ACTR6: variants seen among roughly 807,000 people sequenced by gnomAD.
The protein encoded by ACTR6 is actin related protein 6.
Under a neutral mutation model 52.5 loss-of-function variants are expected in ACTR6, and 50 were observed. The ratio of observed to expected loss-of-function variants is 0.95; its 90% confidence interval spans 0.76 to 1.20. ACTR6 has a LOEUF of 1.20. Among genes scored for constraint, ACTR6 ranks in the 50% most tolerant of loss-of-function variants. The pLI, the probability that ACTR6 is intolerant of heterozygous loss-of-function variation, is 0.00. For synonymous variants in ACTR6, 135 were observed against 147.2 expected (o/e 0.92, Z 0.60); for missense variants, 344 against 472.4 (o/e 0.73, Z 2.52).
intron 8 of ACTR6, among the ~76,000 whole-genome samples, chr12:100,213,783 G>A (rs902827322): frequency 6.6e-6 from 1 of 152,184 alleles, no homozygotes; most frequent in African/African-American, 2.4e-5. Context: ...TATCAGCTCA[G>A]ATAAAATTAC....
At chr12:100,212,169 AAATTT>A in intron 6 of ACTR6, 82 bp from the exon 7 acceptor site, 1 of 962,572 alleles carries the variant, frequency 1.0e-6, no homozygotes, top group Admixed American at 2.6e-5. Context: ...AGTTACCTGA[AAATTT>A]AATTCCAGAA....
At chr12:100,217,299 A>G (rs535399849) in intron 8 of ACTR6, among the ~76,000 whole-genome samples, 1 of 152,304 alleles carries the variant, frequency 6.6e-6, no homozygotes, top group East Asian at 1.9e-4. Flanking sequence ...GCTATGAAGG[A>G]TAATATAGGG....
At chr12:100,209,823 A>G (rs764902081) in intron 4 of ACTR6, among the ~76,000 whole-genome samples, 25 of 152,218 alleles carry the variant, frequency 1.6e-4, no homozygotes, top group Non-Finnish European at 2.9e-4. Context: ...AATTCTTTTA[A>G]ACTATGGAGT....
chr12:100,201,828 G>C (rs963271755), intron 1 of ACTR6, among the ~76,000 whole-genome samples: 8 of 152,094 alleles, frequency 5.3e-5, no homozygotes, highest in African/African-American at 1.9e-4. Flanking sequence ...TCATCATGTT[G>C]GCCAGGCCGG....
intron 10 of ACTR6, among the ~76,000 whole-genome samples, chr12:100,220,796 AC>A (rs1295835004): frequency 2.6e-5 from 4 of 152,070 alleles, no homozygotes; most frequent in Non-Finnish European, 5.9e-5. Flanking sequence ...GGAGATTGAG[AC>A]CAGCCTGGGC....
At chr12:100,203,766 TCAGC>T (rs1442886357) in intron 1 of ACTR6, 2 of 149,696 alleles carry the variant, frequency 1.3e-5, no homozygotes, top group African/African-American at 4.9e-5. Context: ...TTCTCCTGCC[TCAGC>T]CTTCCAAGTA....
At position 100,205,412 on chromosome 12, in the gene ACTR6, T is replaced by C. The variant is rs150399997; in HGVS notation, c.187-264T>C. The C allele has an allele frequency of 1.5e-3, 451 of 293,528 alleles. 1 individual carries two copies. The highest frequency in any genetic ancestry group is 9.1e-3 in the African/African-American group (420 of 45,956). The allele number at this position is 293,528 out of a possible 1,614,324, so 18.2% of individuals were successfully genotyped here. ...AAGGAGAAAAACATACTAACATAAT[T>C]GGTTTGAAATTCATACAGCAGTATA... On this transcript the variant is annotated intron_variant, in intron 2 of 10. Transcript: ENST00000188312.
At position 100,223,792 on chromosome 12, in the gene ACTR6, T is replaced by C. The variant is rs2096130149; in HGVS notation, c.1068T>C (p.Ile356=). The C allele has an allele frequency of 6.2e-7, 1 of 1,606,430 alleles. No individual in the cohort carries two copies. Among genetic ancestry groups the C allele is most frequent in the Admixed American group, 1.7e-5 (1 of 57,934 alleles). Residue 356 remains isoleucine, a synonymous_variant, in exon 11 of 11, where the codon ATT becomes ATC. Coordinates refer to ENST00000188312, the MANE Select transcript of ACTR6 (RefSeq NM_022496.5). ...DVSVVLPENP[I]TYAWEGGKLI... is the part of the protein sequence containing the mutation. ...TTTATACCTTTATTTTCAGCCCTAT[T>C]ACTTATGCCTGGGAAGGTGGAAAAT... is the stretch of plus-strand genomic sequence containing the variant.
At chr12:100,214,562 C>CA (rs1258155369) in intron 8 of ACTR6, among the ~76,000 whole-genome samples, 3,340 of 64,724 alleles carry the variant, frequency 0.052, 95 homozygotes, top group African/African-American at 0.13. Flanking sequence ...CCTGTCTCTA[C>CA]AAAAAAAAAA....
chr12:100,204,657 G>A (rs2096113019), intron 1 of ACTR6, among the ~76,000 whole-genome samples: 1 of 152,058 alleles, frequency 6.6e-6, no homozygotes, highest in South Asian at 2.1e-4. Context: ...GAGCCACCAT[G>A]CCCAGCCTTA....
chr12:100,213,947 A>G (rs1013859201), intron 8 of ACTR6, among the ~76,000 whole-genome samples: 2 of 152,202 alleles, frequency 1.3e-5, no homozygotes, highest in Non-Finnish European at 2.9e-5. Context: ...AAAATAATGA[A>G]AAATTGAGAC....
intron 4 of ACTR6, chr12:100,208,083 C>T: frequency 3.7e-6 from 1 of 269,190 alleles, no homozygotes; most frequent in Non-Finnish European, 7.3e-6. Context: ...ATCGTTTGAG[C>T]CTGGGAGGTT....
At chr12:100,215,384 A>G (rs1037628659) in intron 8 of ACTR6, among the ~76,000 whole-genome samples, 1 of 152,188 alleles carries the variant, frequency 6.6e-6, no homozygotes, top group Non-Finnish European at 1.5e-5. Context: ...TGTTTTCTCA[A>G]GTGAGTACCT....
chr12:100,218,641 A>C lies in ACTR6; in HGVS notation c.922+55A>C. On this transcript the variant is annotated intron_variant, in intron 9 of 10. Coordinates refer to ENST00000188312, the MANE Select transcript of ACTR6 (RefSeq NM_022496.5). The surrounding 1 kb of genome is among the most constrained non-coding windows in gnomAD (Gnocchi z 4.2). ...TTATAATTGTTTTAAAAACATCATA[A>C]GCCCTGTGAACCCTGTTTCCTCTAA... 1 of 1,210,142 alleles carries C rather than the reference A, an allele frequency of 8.3e-7. No homozygotes were observed. The highest frequency in any genetic ancestry group is 1.1e-6 in the Non-Finnish European group (1 of 926,974). The allele number at this position is 1,210,142 out of a possible 1,614,324, so 75.0% of individuals were successfully genotyped here.
intron 4 of ACTR6, among the ~76,000 whole-genome samples, chr12:100,209,396 G>C (rs1369245308): frequency 6.6e-6 from 1 of 152,080 alleles, no homozygotes; most frequent in Non-Finnish European, 1.5e-5. Context: ...TGGTGCATGT[G>C]TACAGTCCCA....
chr12:100,205,686 T>C lies in ACTR6; in HGVS notation c.197T>C (p.Val66Ala). ...AAAAACATTTTTTAGGGCTACTTGG[T>C]GAATTGGGATGTTCAGAGACAAGTT... ...YILPFQKGYLVNWDVQRQVWD... is the reference protein window; with the variant it reads ...YILPFQKGYLANWDVQRQVWD... Residue 66 changes from valine to alanine, a missense_variant, in exon 3 of 11, where the codon GTG becomes GCG. Physicochemically the swap from Val to Ala is moderately conservative, Grantham distance 64. Transcript: ENST00000188312. The C allele has an allele frequency of 6.6e-7, 1 of 1,512,964 alleles. No homozygotes were observed. 93.7% of individuals were successfully genotyped at this position (1,512,964 alleles called of 1,614,324 possible). A position where few individuals can be genotyped will look rare whatever the true frequency, so the allele number is the denominator to read the frequency against.
chr12:100,215,546 A>G (rs1436906856), intron 8 of ACTR6, among the ~76,000 whole-genome samples: 2 of 152,188 alleles, frequency 1.3e-5, no homozygotes, highest in Non-Finnish European at 2.9e-5. Flanking sequence ...TCATTTACTC[A>G]GGATACACTC....
intron 5 of ACTR6, 43 bp from the exon 6 acceptor site, chr12:100,210,252 G>T: frequency 2.5e-6 from 4 of 1,607,794 alleles, no homozygotes; most frequent in Non-Finnish European, 3.4e-6. Flanking sequence ...AGATTAAACA[G>T]AATGATATGT....
At chr12:100,222,370 C>T (rs1370738038) in intron 10 of ACTR6, among the ~76,000 whole-genome samples, 1 of 150,698 alleles carries the variant, frequency 6.6e-6, no homozygotes, top group Non-Finnish European at 1.5e-5. Flanking sequence ...GATCCTTTCA[C>T]CACAGCCTTC....
Sources: allele counts gnomAD v4.1 joint callset (sites outside exome capture counted in the v4.1 genomes callset), GRCh38; gene constraint gnomAD v4.1.1; non-coding constraint Gnocchi (gnomAD v3.1); transcripts MANE v1.5; gene names NCBI Gene and HGNC (gene_info 2026-07-23, HGNC 2026-07-21).